DHRSX: variants seen among roughly 807,000 people sequenced by gnomAD.
DHRSX encodes polyprenol dehydrogenase.
DHRSX carries 31 observed loss-of-function variants against 34.0 expected under a neutral mutation model. The observed-to-expected ratio is 0.91, with a 90% CI of 0.69 to 1.23. DHRSX has a LOEUF of 1.23. DHRSX is among the 50% of genes most tolerant of loss of function. DHRSX has a pLI of 0.00. For missense variants in DHRSX, 414 were observed against 428.1 expected (o/e 0.97, Z 0.29); for synonymous variants, 201 against 183.8 (o/e 1.09, Z -0.76).
In DHRSX at chrX:2,408,765, TC is replaced by T; in HGVS notation, c.265del (p.Glu89LysfsTer4). 6.2e-7 allele frequency: 1 copy of T among 1,613,102 alleles called. No individual in the cohort carries two copies. The highest frequency in any genetic ancestry group is 8.5e-7 in the Non-Finnish European group (1 of 1,179,692). On this transcript the variant is annotated frameshift_variant, in exon 3 of 7. Transcript: ENST00000334651. LOFTEE classifies it high-confidence loss of function. ...GGTACCTTTGTCGTTCAAGGTTTCT[TC>T]TTTTATTTTGCTTACAACTTGTTTG... The part of the protein sequence containing the change: ...KAKQVVSKIK[E>X]ETLNDKVEFL...
chrX:2,484,960 C>G (rs775019197), intron 1 of DHRSX, among the ~76,000 whole-genome samples: 1 of 152,054 alleles, frequency 6.6e-6, no homozygotes, highest in Non-Finnish European at 1.5e-5. Flanking sequence ...ACTAAAACAT[C>G]CGAAACCTTT....
chrX:2,440,804 C>T (rs957254239), intron 1 of DHRSX, among the ~76,000 whole-genome samples: 4 of 152,142 alleles, frequency 2.6e-5, no homozygotes, highest in East Asian at 1.9e-4. Flanking sequence ...AGCTTGCAGA[C>T]GGCCTATTGT....
intron 4 of DHRSX, among the ~76,000 whole-genome samples, chrX:2,271,901 C>T (rs1298723642): frequency 3.9e-5 from 6 of 151,962 alleles, no homozygotes; most frequent in African/African-American, 1.5e-4. Context: ...ATTAGCCGGG[C>T]GTGGTGGTGC....
intron 1 of DHRSX, among the ~76,000 whole-genome samples, chrX:2,434,448 C>T (rs1325222615): frequency 6.6e-6 from 1 of 152,138 alleles, no homozygotes; most frequent in African/African-American, 2.4e-5. Context: ...GTGGGAGGAT[C>T]AGCGGAGGCT....
intron 1 of DHRSX, among the ~76,000 whole-genome samples, chrX:2,437,694 AGAGAGTGT>A (rs1183810481): frequency 0.018 from 1,232 of 69,256 alleles, 8 homozygotes; most frequent in South Asian, 0.033. Context: ...AGAGAGAGAG[AGAGAGTGT>A]GTGTGTGTGT....
At chrX:2,408,881 A>AC (rs1329644897) in intron 2 of DHRSX, 68 bp from the exon 3 acceptor site, 44 of 1,324,296 alleles carry the variant, frequency 3.3e-5, no homozygotes, top group Non-Finnish European at 4.5e-5. Context: ...AACTGCAAAA[A>AC]AAAAAAGAGG....
At chrX:2,287,535 T>C (rs1486055421) in intron 4 of DHRSX, among the ~76,000 whole-genome samples, 1 of 149,626 alleles carries the variant, frequency 6.7e-6, no homozygotes, top group East Asian at 2.0e-4. Flanking sequence ...CACAGAATAA[T>C]GGCCCCGAAG....
intron 2 of DHRSX, among the ~76,000 whole-genome samples, chrX:2,419,830 A>AG (rs2043750588): frequency 2.5e-5 from 1 of 39,590 alleles, no homozygotes; most frequent in Non-Finnish European, 4.6e-5. Context: ...GGGTGGGGGG[A>AG]GGGGGGAGGG....
intron 4 of DHRSX, among the ~76,000 whole-genome samples, chrX:2,282,954 G>C (rs2041746832): frequency 6.6e-6 from 1 of 151,716 alleles, no homozygotes; most frequent in South Asian, 2.1e-4. Context: ...AGGAGAGAGA[G>C]AGACAGAGAG....
At chrX:2,427,215 C>T (rs1200805582) in intron 1 of DHRSX, among the ~76,000 whole-genome samples, 1 of 152,160 alleles carries the variant, frequency 6.6e-6, no homozygotes, top group Non-Finnish European at 1.5e-5. Context: ...GTCTAGCAGG[C>T]CTGGGATATT....
chrX:2,259,371 TATAG>T (rs2041328746), intron 5 of DHRSX, among the ~76,000 whole-genome samples: 1 of 78,946 alleles, frequency 1.3e-5, no homozygotes, highest in Admixed American at 1.1e-4. Flanking sequence ...TATAGATATA[TATAG>T]ATATATATAT....
chrX:2,466,187 C>T (rs2044493399), intron 1 of DHRSX, among the ~76,000 whole-genome samples: 1 of 152,176 alleles, frequency 6.6e-6, no homozygotes, highest in Non-Finnish European at 1.5e-5. Flanking sequence ...GCCTGTAATC[C>T]CAGCACTTTG....
intron 1 of DHRSX, among the ~76,000 whole-genome samples, chrX:2,440,556 C>G (rs2044050096): frequency 6.6e-6 from 1 of 151,052 alleles, no homozygotes; most frequent in Non-Finnish European, 1.5e-5. Context: ...GAAACGGAGT[C>G]TCGCTCTGTC....
intron 3 of DHRSX, among the ~76,000 whole-genome samples, chrX:2,380,968 G>T (rs746031705): frequency 6.6e-6 from 1 of 152,094 alleles, no homozygotes; most frequent in Admixed American, 6.5e-5. Flanking sequence ...AGGTTCAAGC[G>T]ATTCTCCTGC....
At chrX:2,490,577 C>T (rs1257300786) in intron 1 of DHRSX, 3 of 1,613,844 alleles carry the variant, frequency 1.9e-6, no homozygotes, top group African/African-American at 1.3e-5. Flanking sequence ...CATGCAGATG[C>T]GGCAGTAGAT....
intron 5 of DHRSX, among the ~76,000 whole-genome samples, chrX:2,248,095 C>T (rs1289934406): frequency 5.3e-5 from 8 of 151,962 alleles, no homozygotes; most frequent in South Asian, 2.1e-4. Context: ...ATCAGGAGTT[C>T]GAGACCAGCC....
chrX:2,390,303 C>T (rs1438345065), intron 3 of DHRSX, among the ~76,000 whole-genome samples: 2 of 151,530 alleles, frequency 1.3e-5, no homozygotes, highest in Admixed American at 6.6e-5. Context: ...CCACCACACT[C>T]GGCTAATTTT....
At chrX:2,447,103 C>G (rs986531625) in intron 1 of DHRSX, among the ~76,000 whole-genome samples, 1 of 151,786 alleles carries the variant, frequency 6.6e-6, no homozygotes, top group African/African-American at 2.4e-5. Context: ...AAACCGTGTA[C>G]ACACTGAAGA....
intron 3 of DHRSX, among the ~76,000 whole-genome samples, chrX:2,298,102 G>A (rs2041956372): frequency 1.3e-5 from 2 of 151,936 alleles, no homozygotes; most frequent in Non-Finnish European, 2.9e-5. Flanking sequence ...AGACAGATGA[G>A]AGAAAATGAT....
Sources: gnomAD v4.1 joint callset for allele counts (sites outside exome capture counted in the v4.1 genomes callset) on GRCh38, gnomAD v4.1.1 for gene constraint, MANE v1.5 for transcripts, NCBI Gene and HGNC (gene_info 2026-07-23, HGNC 2026-07-21) for gene names.